ANO2: variants seen among roughly 807,000 people sequenced by gnomAD.
The protein encoded by ANO2 is anoctamin-2.
A neutral mutation model predicts 124.2 loss-of-function variants in ANO2; 101 were observed. That is an observed-to-expected ratio of 0.81 (90% CI 0.69 to 0.96). The LOEUF (loss-of-function observed/expected upper bound fraction) is 0.96, where lower values mean the gene tolerates loss of function less well. Among genes scored for constraint, ANO2 ranks in the 40% least tolerant of loss-of-function variants. The pLI, the probability that ANO2 is intolerant of heterozygous loss-of-function variation, is 0.00. For synonymous variants in ANO2, 486 were observed against 482.5 expected, an observed-to-expected ratio of 1.01 and a Z score of -0.09; for missense variants, 1,293 against 1,274.5, an observed-to-expected ratio of 1.01 and a Z score of -0.22.
intron 16 of ANO2, among the ~76,000 whole-genome samples, chr12:5,624,253 A>G (rs1320419619): frequency 6.6e-6 from 1 of 152,068 alleles, no homozygotes; most frequent in Admixed American, 6.5e-5. Flanking sequence ...AGAGAGAGAG[A>G]GAGAGAGAAA....
chr12:5,797,159 T>G (rs1952888017), intron 10 of ANO2, among the ~76,000 whole-genome samples: 1 of 152,172 alleles, frequency 6.6e-6, no homozygotes, highest in African/African-American at 2.4e-5. Context: ...TAAGTAGTCA[T>G]GGAGCAAAAC....
intron 14 of ANO2, among the ~76,000 whole-genome samples, chr12:5,710,923 A>T (rs1251601075): frequency 2.0e-5 from 3 of 152,090 alleles, no homozygotes; most frequent in Non-Finnish European, 4.4e-5. Flanking sequence ...GCACTTTGGG[A>T]GGCCGAGGCG....
chr12:5,651,247 C>G (rs1457221895), intron 14 of ANO2, among the ~76,000 whole-genome samples: 1 of 152,168 alleles, frequency 6.6e-6, no homozygotes, highest in Non-Finnish European at 1.5e-5. Context: ...AGCCTCCAGA[C>G]AGCAAGTAGC....
At chr12:5,613,398 T>A (rs974045851) in intron 17 of ANO2, among the ~76,000 whole-genome samples, 1 of 152,162 alleles carries the variant, frequency 6.6e-6, no homozygotes, top group African/African-American at 2.4e-5. Flanking sequence ...AAGTTGCGAA[T>A]AGAGATTCCT....
intron 7 of ANO2, among the ~76,000 whole-genome samples, chr12:5,823,309 G>C (rs1953863137): frequency 6.6e-6 from 1 of 152,152 alleles, no homozygotes; most frequent in Admixed American, 6.5e-5. Context: ...GATAAGGCAA[G>C]TCCCTTCTGC....
chr12:5,621,407 G>T (rs1483973762), intron 16 of ANO2, among the ~76,000 whole-genome samples: 2 of 152,206 alleles, frequency 1.3e-5, no homozygotes, highest in African/African-American at 4.8e-5. Context: ...GTCTTTTTCT[G>T]AGCAGATGAC....
rs566989029 is a variant in ANO2, at chr12:5,623,289, G to C, written c.1817-7992C>G. On this transcript the variant is annotated intron_variant, in intron 16 of 24. Transcript: ENST00000682330. Reference sequence around the variant, plus strand: ...ATAGGCAACCCTCTCTATTATTCACGTGCCCCCTAACATAGCACCTCCGCC... The same window carrying C: ...ATAGGCAACCCTCTCTATTATTCACCTGCCCCCTAACATAGCACCTCCGCC... Among the ~76,000 whole-genome samples the C allele has an allele frequency of 8.6e-4, 131 of 152,168 alleles. 1 individual carries two copies. In the South Asian group the frequency reaches 0.026, roughly 31 times the overall value.
intron 3 of ANO2, among the ~76,000 whole-genome samples, chr12:5,896,233 A>T (rs1939779582): frequency 6.6e-6 from 1 of 152,188 alleles, no homozygotes; most frequent in South Asian, 2.1e-4. Context: ...TTATCCATGT[A>T]GCCAAAAACC....
At chr12:5,675,561 A>G (rs1383543238) in intron 14 of ANO2, among the ~76,000 whole-genome samples, 3 of 152,104 alleles carry the variant, frequency 2.0e-5, no homozygotes, top group African/African-American at 4.8e-5. Context: ...AGGGAACTCA[A>G]CTTTACGTTT....
intron 19 of ANO2, among the ~76,000 whole-genome samples, chr12:5,602,231 T>TA (rs1275402373): frequency 6.6e-6 from 1 of 150,856 alleles, no homozygotes; most frequent in Non-Finnish European, 1.5e-5. Flanking sequence ...AAGAAAACAT[T>TA]AAAAAATTAA....
intron 11 of ANO2, among the ~76,000 whole-genome samples, chr12:5,750,452 C>T (rs1208212892): frequency 3.9e-5 from 6 of 152,214 alleles, no homozygotes; most frequent in Non-Finnish European, 7.3e-5. Flanking sequence ...CTCAGTGTCA[C>T]TCCCCACACC....
chr12:5,625,193 G>C (rs183744232), intron 16 of ANO2, among the ~76,000 whole-genome samples: 6 of 151,710 alleles, frequency 4.0e-5, no homozygotes, highest in African/African-American at 9.7e-5. Flanking sequence ...TGAATGGTGT[G>C]GGGGGGAGTG....
At chr12:5,626,949 T>A (rs1188801343) in intron 16 of ANO2, among the ~76,000 whole-genome samples, 2 of 152,138 alleles carry the variant, frequency 1.3e-5, no homozygotes, top group African/African-American at 4.8e-5. Flanking sequence ...GACAGGAAGA[T>A]ATTGGACTTC....
At chr12:5,642,243 A>T (rs1343014041) in intron 15 of ANO2, among the ~76,000 whole-genome samples, 1 of 151,724 alleles carries the variant, frequency 6.6e-6, no homozygotes, top group Non-Finnish European at 1.5e-5. Context: ...GTCCTTGGAA[A>T]TTTTCTCTAT....
chr12:5,727,002 T>C (rs1950466950), intron 14 of ANO2, among the ~76,000 whole-genome samples: 2 of 152,210 alleles, frequency 1.3e-5, no homozygotes, highest in Non-Finnish European at 2.9e-5. Flanking sequence ...CTCATTACAG[T>C]ACAGAGCATT....
intron 14 of ANO2, among the ~76,000 whole-genome samples, chr12:5,713,555 C>G (rs1949897170): frequency 2.0e-5 from 3 of 152,082 alleles, no homozygotes; most frequent in Non-Finnish European, 4.4e-5. Flanking sequence ...TTGTCATCGG[C>G]ATTGTGACAA....
At chr12:5,833,112 G>A (rs1591670826) in intron 4 of ANO2, among the ~76,000 whole-genome samples, 1 of 152,176 alleles carries the variant, frequency 6.6e-6, no homozygotes, top group South Asian at 2.1e-4. Context: ...ACTGCGCCAC[G>A]CTTCTATGTG....
chr12:5,764,562 C>A (rs1951824674), intron 10 of ANO2, among the ~76,000 whole-genome samples: 1 of 152,136 alleles, frequency 6.6e-6, no homozygotes, highest in African/African-American at 2.4e-5. Flanking sequence ...ATAATGAATT[C>A]CAGGAAGGAT....
intron 3 of ANO2, among the ~76,000 whole-genome samples, chr12:5,865,852 T>C (rs1440525548): frequency 1.3e-5 from 2 of 152,206 alleles, no homozygotes; most frequent in East Asian, 3.8e-4. Flanking sequence ...TTTCATTCTC[T>C]TTGGAAACCA....
Sources: allele counts gnomAD v4.1 joint callset (sites outside exome capture counted in the v4.1 genomes callset), GRCh38; gene constraint gnomAD v4.1.1; transcripts MANE v1.5; gene names NCBI Gene and HGNC (gene_info 2026-07-23, HGNC 2026-07-21).